Variants in WDPCP observed in about 807,000 individuals in gnomAD.
The protein encoded by WDPCP is WD repeat containing planar cell polarity effector, also known as WD repeat-containing and planar cell polarity effector protein fritz homolog.
WDPCP carries 71 observed loss-of-function variants against 93.1 expected under a neutral mutation model. That is an observed-to-expected ratio of 0.76 (90% confidence interval 0.63 to 0.93). WDPCP has a LOEUF of 0.93. Among genes scored for constraint, WDPCP ranks in the 40% least tolerant of loss-of-function variants. The pLI, the probability that WDPCP is intolerant of heterozygous loss-of-function variation, is 0.00. For synonymous variants in WDPCP, 315 were observed against 315.0 expected (o/e 1.00, Z 0.00); for missense variants, 844 against 887.4 (o/e 0.95, Z 0.62).
At chr2:63,347,886 A>T (rs964833616) in intron 12 of WDPCP, among the ~76,000 whole-genome samples, 2 of 152,158 alleles carry the variant, frequency 1.3e-5, no homozygotes, top group Non-Finnish European at 1.5e-5. Flanking sequence ...AAGTTTTAAA[A>T]TTAGTATCAT....
At chr2:63,736,753 G>GA (rs112052618) in intron 2 of WDPCP, among the ~76,000 whole-genome samples, 9 of 150,560 alleles carry the variant, frequency 6.0e-5, no homozygotes, top group African/African-American at 9.8e-5. Context: ...TTTTGAAAGA[G>GA]AAAAAAAAAT....
intron 1 of WDPCP, among the ~76,000 whole-genome samples, chr2:63,579,066 C>A (rs2106536701): frequency 6.6e-6 from 1 of 152,244 alleles, no homozygotes; most frequent in South Asian, 2.1e-4. Flanking sequence ...TCCTTACGTT[C>A]TCCAGAAAAT....
chr2:63,480,307 C>T (rs147795268), intron 6 of WDPCP, among the ~76,000 whole-genome samples: 1,749 of 152,200 alleles, frequency 0.011, 40 homozygotes, highest in African/African-American at 0.041. Context: ...AATGGCCATA[C>T]TGCCAAAAGC....
At chr2:63,331,118 A>G (rs1650767520) in intron 12 of WDPCP, among the ~76,000 whole-genome samples, 1 of 152,034 alleles carries the variant, frequency 6.6e-6, no homozygotes, top group Non-Finnish European at 1.5e-5. Context: ...GGCCTCCCAC[A>G]GTGTTGGGAT....
chr2:63,644,404 C>G (rs1210157192), intron 3 of WDPCP, among the ~76,000 whole-genome samples: 2 of 151,960 alleles, frequency 1.3e-5, no homozygotes, highest in Non-Finnish European at 2.9e-5. Context: ...CCACCATGCC[C>G]AGCTAATTTT....
At chr2:63,575,496 A>G (rs1353410378) in intron 1 of WDPCP, among the ~76,000 whole-genome samples, 5 of 125,088 alleles carry the variant, frequency 4.0e-5, no homozygotes, top group Non-Finnish European at 8.3e-5. Flanking sequence ...TATAGTATAT[A>G]CAGTATATAC....
chr2:63,472,897 T>C (rs1699776347), intron 6 of WDPCP, among the ~76,000 whole-genome samples: 1 of 152,196 alleles, frequency 6.6e-6, no homozygotes, highest in Non-Finnish European at 1.5e-5. Flanking sequence ...CATTCTTGTT[T>C]CCAGGATGCA....
At chr2:63,676,980 C>G (rs1432600106) in intron 2 of WDPCP, among the ~76,000 whole-genome samples, 3 of 152,104 alleles carry the variant, frequency 2.0e-5, no homozygotes, top group Non-Finnish European at 4.4e-5. Flanking sequence ...GCATTTTTTG[C>G]AACCTCCTGT....
intron 3 of WDPCP, among the ~76,000 whole-genome samples, chr2:63,608,319 T>C (rs1285939561): frequency 1.3e-5 from 2 of 152,078 alleles, no homozygotes; most frequent in Non-Finnish European, 2.9e-5. Context: ...AGCATAGTGT[T>C]ATGATGTTAG....
intron 14 of WDPCP, among the ~76,000 whole-genome samples, chr2:63,198,382 AT>A (rs979716476): frequency 4.9e-4 from 75 of 151,868 alleles, no homozygotes; most frequent in African/African-American, 1.5e-3. Context: ...ATATTCCCAG[AT>A]TTTTTTTTAA....
chr2:63,805,920 G>A (rs1398213984), intron 2 of WDPCP, among the ~76,000 whole-genome samples: 1 of 152,088 alleles, frequency 6.6e-6, no homozygotes, highest in Admixed American at 6.5e-5. Context: ...AGGCATTTGA[G>A]ACCAGCCGGG....
At chr2:63,525,739 G>A (rs998597886) in intron 1 of WDPCP, among the ~76,000 whole-genome samples, 7 of 152,288 alleles carry the variant, frequency 4.6e-5, no homozygotes, top group South Asian at 4.1e-4. Flanking sequence ...GTTAGTGGCC[G>A]TGGCCACATT....
intron 2 of WDPCP, among the ~76,000 whole-genome samples, chr2:63,805,372 A>G (rs1670749946): frequency 6.6e-6 from 1 of 152,190 alleles, no homozygotes; most frequent in African/African-American, 2.4e-5. Flanking sequence ...AATGAGGGTT[A>G]GGGCTGAGAG....
intron 9 of WDPCP, among the ~76,000 whole-genome samples, chr2:63,415,414 C>T (rs1303006652): frequency 1.2e-4 from 19 of 152,052 alleles, no homozygotes; most frequent in Non-Finnish European, 2.9e-5. Flanking sequence ...AAAGAGTAAC[C>T]TCACCAATAA....
chr2:63,623,459 C>T (rs991144057), intron 3 of WDPCP, among the ~76,000 whole-genome samples: 11 of 150,620 alleles, frequency 7.3e-5, no homozygotes, highest in Admixed American at 6.0e-4. Flanking sequence ...AAGACACATA[C>T]AGGCTCAAAA....
At chr2:63,822,007 C>T (rs1035924899) in intron 1 of WDPCP, among the ~76,000 whole-genome samples, 4 of 151,860 alleles carry the variant, frequency 2.6e-5, no homozygotes, top group Admixed American at 2.6e-4. Context: ...TGAAACAATT[C>T]AATGTTTTAT....
At position 63,571,079 on chromosome 2, in the gene WDPCP, TA is replaced by T. The variant is rs564580449; in HGVS notation, c.75+17117del. ...GCCACTAGGTCCAGCTAATTTTTGG[TA>T]TTTTTTTTTTTCAGTAGAGACAGGG... On this transcript the variant is annotated intron_variant, in intron 1 of 17. Transcript: ENST00000272321. 3.5e-3 allele frequency among the ~76,000 whole-genome samples: 180 copies of T among 51,016 alleles called. 1 individual carries two copies. Among genetic ancestry groups the T allele is most frequent in the African/African-American group, 0.028 (174 of 6,170 alleles). 33.5% of individuals were successfully genotyped at this position (51,016 alleles called of 152,430 possible).
intron 14 of WDPCP, among the ~76,000 whole-genome samples, chr2:63,177,701 G>A (rs983872324): frequency 6.6e-6 from 1 of 151,818 alleles, no homozygotes; most frequent in Non-Finnish European, 1.5e-5. Flanking sequence ...TCTGATTTTG[G>A]TGCCTTTTAT....
rs552472774 is a variant in WDPCP, at chr2:63,700,843, A to G, written n.309-50005T>C. Reference sequence around the variant, plus strand: ...CGCAGAAGATTGAAACTAGACCTCTATCTCTCACTATATGCAAAAATCAAA... The same window carrying G: ...CGCAGAAGATTGAAACTAGACCTCTGTCTCTCACTATATGCAAAAATCAAA... On this transcript the variant is annotated intron_variant and non_coding_transcript_variant, in intron 2 of 4. Transcript: ENST00000467687. Among the ~76,000 whole-genome samples the G allele has an allele frequency of 4.1e-4, 63 of 152,258 alleles. 1 individual carries two copies. Among genetic ancestry groups the G allele is most frequent in the African/African-American group, 1.3e-3 (56 of 41,574 alleles).
Sources: gnomAD v4.1 joint callset for allele counts (sites outside exome capture counted in the v4.1 genomes callset) on GRCh38, gnomAD v4.1.1 for gene constraint, MANE v1.5 for transcripts, NCBI Gene and HGNC (gene_info 2026-07-23, HGNC 2026-07-21) for gene names.